CSNK1E: variants seen among roughly 807,000 people sequenced by gnomAD.
The protein encoded by CSNK1E is casein kinase 1 epsilon.
CSNK1E carries 17 observed loss-of-function variants against 46.1 expected under a neutral mutation model. The ratio of observed to expected loss-of-function variants is 0.37; its 90% CI spans 0.25 to 0.55. The LOEUF is 0.55. Ranked by LOEUF, CSNK1E falls within the 20% of genes least tolerant of loss-of-function variation. The probability of loss-of-function intolerance (pLI) is 0.82; values close to 1 mark genes in which losing one functional copy is unlikely to be tolerated. For missense variants in CSNK1E, 386 were observed against 595.4 expected (o/e 0.65, Z 3.66); for synonymous variants, 241 against 242.6 (o/e 0.99, Z 0.06).
rs768378300 is a variant in CSNK1E at position 38,294,248 on chromosome 22, C to A, written c.1079G>T (p.Gly360Val). 6.2e-7 allele frequency: 1 copy of A among 1,611,466 alleles called. No homozygotes were observed. The highest frequency in any genetic ancestry group is 8.5e-7 in the Non-Finnish European group (1 of 1,179,596). Reference sequence around the variant, plus strand: ...CGAGATCGCTCTGGGAGAAGTATTGCCTGGAGGGAGAGTGGGAAGCCACCC... The same window carrying A: ...CGAGATCGCTCTGGGAGAAGTATTGACTGGAGGGAGAGTGGGAAGCCACCC... Reference protein sequence around the residue: ...STPASRIQPAGNTSPRAISRV... With the variant: ...STPASRIQPAVNTSPRAISRV... Residue 360 changes from glycine (G) to valine (V), a missense_variant and splice_region_variant, in exon 9 of 11, where the codon GGC becomes GTC. Physicochemically the swap from Gly to Val is moderately radical, Grantham distance 109 (BLOSUM62 -3). This residue lies in a region of CSNK1E where 174 missense variants were observed against 185.2 expected (regional missense o/e 0.94). Coordinates refer to ENST00000396832, the MANE Select transcript of CSNK1E (RefSeq NM_152221.3). The surrounding 1 kb of genome is among the most constrained non-coding windows in gnomAD (Gnocchi z 5.5).
At chr22:38,312,806 T>C (rs1008601404) in intron 2 of CSNK1E, among the ~76,000 whole-genome samples, 1 of 152,114 alleles carries the variant, frequency 6.6e-6, no homozygotes, top group African/African-American at 2.4e-5. Context: ...TGCATGACCT[T>C]CCCACAGCCA....
rs780260915 is a variant in CSNK1E at position 38,300,839 on chromosome 22, G to A, written c.450C>T (p.Phe150=). Residue 150 remains phenylalanine (F), a synonymous_variant, in exon 5 of 11, where the codon TTC becomes TTT. Coordinates refer to ENST00000396832, the MANE Select transcript of CSNK1E (RefSeq NM_152221.3). This position sits in a 1 kb window ranked among gnomAD's most constrained non-coding sequence, Gnocchi z 4.4. The part of the protein sequence containing the change: ...KKGNLVYIID[F]GLAKKYRDAR... Reference sequence around the variant, plus strand: ...CGTCCCGGTACTTCTTGGCCAGGCCGAAGTCGATGATGTAGACCAGGTTGC... The same window carrying A: ...CGTCCCGGTACTTCTTGGCCAGGCCAAAGTCGATGATGTAGACCAGGTTGC... The A allele has an allele frequency of 3.0e-5, 49 of 1,614,250 alleles. No homozygotes were observed. Among genetic ancestry groups the A allele is most frequent in the Middle Eastern group, 1.6e-4 (1 of 6,062 alleles).
intron 1 of CSNK1E, among the ~76,000 whole-genome samples, chr22:38,314,855 G>C (rs1448243877): frequency 6.6e-6 from 1 of 152,168 alleles, no homozygotes; most frequent in Non-Finnish European, 1.5e-5. Flanking sequence ...TCCTTCCTCA[G>C]GGCCAGGGGG....
rs747743477 is a variant in CSNK1E at position 38,294,324 on chromosome 22, G to A, written c.1078+18C>T. ...CCACCCACCCTGAACCCAGCCCACT[G>A]CCTGAGTCCCTGCTCACCAGCCGGC... On this transcript the variant is annotated intron_variant, in intron 8 of 10. Coordinates refer to ENST00000396832, the MANE Select transcript of CSNK1E (RefSeq NM_152221.3). The surrounding 1 kb of genome is among the most constrained non-coding windows in gnomAD (Gnocchi z 5.5). 71 of 1,585,282 alleles carry A rather than the reference G, an allele frequency of 4.5e-5. No individual in the cohort carries two copies. Among genetic ancestry groups the A allele is most frequent in the Non-Finnish European group, 5.0e-5 (58 of 1,168,668 alleles).
upstream of CSNK1E, among the ~76,000 whole-genome samples, chr22:38,317,674 G>A (rs910246369): frequency 2.0e-5 from 3 of 152,050 alleles, no homozygotes; most frequent in African/African-American, 7.2e-5. Flanking sequence ...AAGACGGGGT[G>A]CGGGGGGGAC....
rs1569079200 is a variant in CSNK1E, at chr22:38,303,100, A to G, written c.187+38T>C. ...CCTGTGCTCATGGCTGCCCACCGCC[A>G]CCCACCCGGCGCCCGCCGCCGCCCA... On this transcript the variant is annotated intron_variant, in intron 3 of 10. Transcript: ENST00000396832. This position sits in a 1 kb window ranked among gnomAD's most constrained non-coding sequence, Gnocchi z 4.7. 1 of 1,435,964 alleles carries G rather than the reference A, an allele frequency of 7.0e-7. No individual in the cohort carries two copies. Among genetic ancestry groups the G allele is most frequent in the South Asian group, 1.2e-5 (1 of 86,742 alleles). The allele number at this position is 1,435,964 out of a possible 1,614,324, so 89.0% of individuals were successfully genotyped here. A position where few individuals can be genotyped will look rare whatever the true frequency, so the allele number is the denominator to read the frequency against.
chr22:38,304,052 CCCAAAGTGTACCTTG>C (rs869273614), intron 2 of CSNK1E, among the ~76,000 whole-genome samples: 6 of 152,298 alleles, frequency 3.9e-5, no homozygotes, highest in African/African-American at 1.4e-4. Flanking sequence ...AAAGACCAAG[CCCAAAGTGTACCTTG>C]CCTCAGTTTC....
chr22:38,305,121 CAAAAAAAAAAA>C (rs33987200), intron 2 of CSNK1E, among the ~76,000 whole-genome samples: 14 of 52,802 alleles, frequency 2.7e-4, no homozygotes, highest in African/African-American at 6.4e-4. Flanking sequence ...AACTCCAGCT[CAAAAAAAAAAA>C]AAAAAAAAAA....
chr22:38,304,799 T>C (rs2092690539), intron 2 of CSNK1E, among the ~76,000 whole-genome samples: 2 of 152,134 alleles, frequency 1.3e-5, no homozygotes, highest in African/African-American at 4.8e-5. Flanking sequence ...AAAGTACCGA[T>C]ACACGCTACG....
chr22:38,300,165 GC>G lies in CSNK1E; in HGVS notation c.566-101del. 8.7e-7 allele frequency: 1 copy of G among 1,152,664 alleles called. No homozygotes were observed. 71.4% of individuals were successfully genotyped at this position (1,152,664 alleles called of 1,614,324 possible). ...CCTCACAATGCACCAGGACCCTCCT[GC>G]CCCCACGTCGGATGTTGCTCACTGC... On this transcript the variant is annotated intron_variant, in intron 5 of 10. Transcript: ENST00000396832. The surrounding 1 kb of genome is among the most constrained non-coding windows in gnomAD (Gnocchi z 4.4).
rs773141291 is a variant in CSNK1E at position 38,298,974 on chromosome 22, G to T, written c.737-40C>A. On this transcript the variant is annotated intron_variant, in intron 6 of 10. Transcript: ENST00000396832. This position sits in a 1 kb window ranked among gnomAD's most constrained non-coding sequence, Gnocchi z 4.2. Reference sequence around the variant, plus strand: ...AGAGGATAGAGAAGGCCACTGTGAGGCCCACGCTCCCAGACCCCCTGCAGC... The same window carrying T: ...AGAGGATAGAGAAGGCCACTGTGAGTCCCACGCTCCCAGACCCCCTGCAGC... 4 of 1,611,796 alleles carry T rather than the reference G, an allele frequency of 2.5e-6. No individual in the cohort carries two copies. Among genetic ancestry groups the T allele is most frequent in the East Asian group, 4.5e-5 (2 of 44,840 alleles).
chr22:38,295,394 A>G (rs897525217), intron 7 of CSNK1E: 21 of 984,552 alleles, frequency 2.1e-5, no homozygotes, highest in Admixed American at 6.1e-5. Flanking sequence ...TACCTAGTTC[A>G]TCCTGGGGCC....
rs750047552 is a variant in CSNK1E, at chr22:38,300,193, C to T, written c.566-128G>A. The T allele has an allele frequency of 6.5e-5, 53 of 816,352 alleles. No homozygotes were observed. The highest frequency in any genetic ancestry group is 1.1e-4 in the East Asian group (4 of 37,146). The allele number at this position is 816,352 out of a possible 1,614,324, so 50.6% of individuals were successfully genotyped here. On this transcript the variant is annotated intron_variant, in intron 5 of 10. Coordinates refer to ENST00000396832, the MANE Select transcript of CSNK1E (RefSeq NM_152221.3). This position sits in a 1 kb window ranked among gnomAD's most constrained non-coding sequence, Gnocchi z 4.4. ...CCCACGTCGGATGTTGCTCACTGCA[C>T]GCATTTTAAACAGGCACTGCTATTA...
Position 38,300,813 on chromosome 22 carries a change from G to A in CSNK1E, c.476C>T (p.Ala159Val), listed in dbSNP as rs778628868. The change falls in exon 5 of 11, where the codon GCC (alanine) becomes GTC (valine). Residue 159 changes from alanine to valine, a missense_variant. Physicochemically the swap from Ala to Val is moderately conservative, Grantham distance 64. Around this residue, in one of 2 missense-constraint regions of CSNK1E, gnomAD observed 212 missense variants for 410.2 expected, o/e 0.52. Transcript: ENST00000396832. This position sits in a 1 kb window ranked among gnomAD's most constrained non-coding sequence, Gnocchi z 4.4. ...DFGLAKKYRD[A>V]RTHQHIPYRE... Reference sequence around the variant, plus strand: ...GTAGGGAATGTGCTGGTGGGTGCGGGCGTCCCGGTACTTCTTGGCCAGGCC... The same window carrying A: ...GTAGGGAATGTGCTGGTGGGTGCGGACGTCCCGGTACTTCTTGGCCAGGCC... 2 of 1,614,270 alleles carry A rather than the reference G, an allele frequency of 1.2e-6. No homozygotes were observed. The highest frequency in any genetic ancestry group is 1.1e-5 in the South Asian group (1 of 91,092).
intron 2 of CSNK1E, among the ~76,000 whole-genome samples, chr22:38,307,401 T>G (rs184824755): frequency 1.3e-5 from 2 of 151,700 alleles, no homozygotes; most frequent in East Asian, 3.9e-4. Context: ...ATACAAAAAT[T>G]AGCCAAGGTG....
Position 38,300,869 on chromosome 22 carries a change from C to T in CSNK1E, c.420G>A (p.Lys140=), listed in dbSNP as rs201454594. ...CGATGATGTAGACCAGGTTGCCCTT[C>T]TTCCCCAGCCCCATGAGGAAGTTGT... ...KPDNFLMGLG[K]KGNLVYIIDF... The change falls in exon 5 of 11, where the codon AAG becomes AAA. Residue 140 remains lysine (K), a synonymous_variant. Transcript: ENST00000396832. The surrounding 1 kb of genome is among the most constrained non-coding windows in gnomAD (Gnocchi z 4.4). The T allele has an allele frequency of 1.2e-6, 2 of 1,614,240 alleles. No homozygotes were observed. Among genetic ancestry groups the T allele is most frequent in the Admixed American group, 3.3e-5 (2 of 60,032 alleles).
At chr22:38,310,786 C>T (rs139162472) in intron 2 of CSNK1E, among the ~76,000 whole-genome samples, 2 of 152,352 alleles carry the variant, frequency 1.3e-5, no homozygotes, top group East Asian at 1.9e-4. Flanking sequence ...TGCTGGCCCT[C>T]GGGTGATCCT....
intron 7 of CSNK1E, chr22:38,295,375 C>T (rs2092634903): frequency 6.1e-6 from 6 of 981,656 alleles, no homozygotes; most frequent in South Asian, 4.7e-5. Context: ...GGGCAGCGCC[C>T]GACTGCGTTA....
At chr22:38,310,528 A>T (rs1464454092) in intron 2 of CSNK1E, among the ~76,000 whole-genome samples, 1 of 152,112 alleles carries the variant, frequency 6.6e-6, no homozygotes, top group African/African-American at 2.4e-5. Context: ...TATTTCCCAC[A>T]CTAACTCTCA....
Sources: gnomAD v4.1 joint callset for allele counts (sites outside exome capture counted in the v4.1 genomes callset) on GRCh38, gnomAD v4.1.1 for gene constraint, gnomAD v4.1.1 regional missense constraint, Gnocchi (gnomAD v3.1) non-coding constraint, MANE v1.5 for transcripts, NCBI Gene and HGNC (gene_info 2026-07-23, HGNC 2026-07-21) for gene names.